The following ATM variants were observed in gnomAD, a reference collection of about 807,000 sequenced individuals.
ATM encodes serine-protein kinase ATM.
Under a neutral mutation model 387.0 loss-of-function variants are expected in ATM, and 308 were observed. That is an observed-to-expected ratio of 0.80 (90% CI 0.73 to 0.87). The LOEUF (loss-of-function observed/expected upper bound fraction) is 0.87. ATM is among the 40% of genes least tolerant of loss of function. ATM has a pLI of 0.00. For missense variants in ATM, 3,312 were observed against 3,560.9 expected (o/e 0.93, Z 1.78); for synonymous variants, 1,156 against 1,187.3 (o/e 0.97, Z 0.54).
intron 61 of ATM, among the ~76,000 whole-genome samples, chr11:108,361,997 CAG>C (rs2137713838): frequency 7.5e-6 from 1 of 132,872 alleles, no homozygotes; most frequent in South Asian, 2.8e-4. Flanking sequence ...AAACTACCAT[CAG>C]AGTGAACAGG....
chr11:108,241,631 T>C (rs572008639), intron 5 of ATM, among the ~76,000 whole-genome samples: 95 of 152,144 alleles, frequency 6.2e-4, no homozygotes, highest in Non-Finnish European at 1.2e-3. Flanking sequence ...GTGACTGTGG[T>C]TGGAATCATA....
intron 6 of ATM, among the ~76,000 whole-genome samples, chr11:108,244,519 C>T (rs149955262): frequency 6.6e-6 from 1 of 151,984 alleles, no homozygotes; most frequent in Non-Finnish European, 1.5e-5. Context: ...AATGGTGTTA[C>T]AAATCAGTTT....
At chr11:108,288,319 C>G (rs1030815516) in intron 27 of ATM, among the ~76,000 whole-genome samples, 2 of 152,086 alleles carry the variant, frequency 1.3e-5, no homozygotes, top group Non-Finnish European at 2.9e-5. Flanking sequence ...GAATGATTCC[C>G]CCGTGTTGGC....
At chr11:108,337,505 T>C (rs1039859306) in intron 56 of ATM, among the ~76,000 whole-genome samples, 2 of 152,220 alleles carry the variant, frequency 1.3e-5, no homozygotes, top group African/African-American at 4.8e-5. Context: ...CTGATCCCCA[T>C]TCTTAGAATT....
chr11:108,268,353 A>C, intron 17 of ATM, 57 bp from the exon 18 acceptor site: 1 of 1,506,378 alleles, frequency 6.6e-7, no homozygotes, highest in Non-Finnish European at 9.2e-7. Context: ...AGTTAATATG[A>C]CTATATATGG....
chr11:108,317,516 C>T lies in ATM; in HGVS notation c.6342C>T (p.Ser2114=), dbSNP rs754020535. ...ATATGCAGTGGGACCATTGCACTTC[C>T]GTCAGGTAAGAAATTTGACTTGATT... is the stretch of plus-strand genomic sequence containing the variant. ...WRNMQWDHCT[S]VSKEVEGTSY... The change falls in exon 43 of 63, where the codon TCC becomes TCT. Residue 2114 remains serine, a synonymous_variant. Coordinates refer to ENST00000675843, the MANE Select transcript of ATM (RefSeq NM_000051.4). 5.6e-6 allele frequency: 9 copies of T among 1,604,262 alleles called. No homozygotes were observed. Among genetic ancestry groups the T allele is most frequent in the East Asian group, 2.2e-5 (1 of 44,506 alleles).
chr11:108,253,088 A>G (rs1362738731), intron 12 of ATM, among the ~76,000 whole-genome samples, 176 bp downstream of exon 12: 2 of 152,296 alleles, frequency 1.3e-5, no homozygotes, highest in South Asian at 4.1e-4. Context: ...AATCTATGTT[A>G]TATAACATTA....
chr11:108,273,993 C>A (rs1324172424), intron 22 of ATM, among the ~76,000 whole-genome samples: 2 of 152,064 alleles, frequency 1.3e-5, no homozygotes, highest in Admixed American at 6.6e-5. Context: ...CTGTGAATCC[C>A]TCTGGTCCTG....
rs1555093582 is a variant in ATM, at chr11:108,284,368, T to C, written c.3888T>C (p.Pro1296=). 1 of 1,614,046 alleles carries C rather than the reference T, an allele frequency of 6.2e-7. No individual in the cohort carries two copies. The highest frequency in any genetic ancestry group is 8.5e-7 in the Non-Finnish European group (1 of 1,179,964). ...CFPKILVNIL[P]YFAYEGTRDS... is the part of the protein sequence containing the mutation. ...CAAAGATTCTTGTAAATATTCTTCC[T>C]TATTTTGCCTATGAGGGTACCAGAG... The change falls in exon 26 of 63, where the codon CCT becomes CCC. Residue 1296 remains proline (P), a synonymous_variant. Coordinates refer to ENST00000675843, the MANE Select transcript of ATM (RefSeq NM_000051.4).
chr11:108,304,093 ACTGTTTTAATGT>A (rs2083557494), intron 36 of ATM, among the ~76,000 whole-genome samples: 1 of 152,184 alleles, frequency 6.6e-6, no homozygotes, highest in Non-Finnish European at 1.5e-5. Context: ...AAAGCTGAAT[ACTGTTTTAATGT>A]GCCAGATGTA....
At chr11:108,363,005 C>A (rs1003395595) in intron 61 of ATM, among the ~76,000 whole-genome samples, 1 of 152,046 alleles carries the variant, frequency 6.6e-6, no homozygotes, top group African/African-American at 2.4e-5. Flanking sequence ...AAAACACACC[C>A]TCCAATGCTT....
chr11:108,365,416 A>C lies in ATM; in HGVS notation c.9079A>C (p.Ser3027Arg), dbSNP rs763152094. Residue 3027 changes from serine to arginine, a missense_variant, in exon 63 of 63, where the codon AGT becomes CGT. This residue lies in a region of ATM where 95 missense variants were observed against 100.3 expected (regional missense o/e 0.95). Coordinates refer to ENST00000675843, the MANE Select transcript of ATM (RefSeq NM_000051.4). ...AGGAGTGGAAGAAGGCACTGTGCTC[A>C]GTGTTGGTGGACAAGTGAATTTGCT... ...LKGVEEGTVLSVGGQVNLLIQ... is the reference protein window; with the variant it reads ...LKGVEEGTVLRVGGQVNLLIQ... 2 of 1,614,248 alleles carry C rather than the reference A, an allele frequency of 1.2e-6. No homozygotes were observed. Among genetic ancestry groups the C allele is most frequent in the Non-Finnish European group, 1.7e-6 (2 of 1,180,048 alleles).
At chr11:108,328,928 G>A in intron 48 of ATM, 93 bp from the exon 49 acceptor site, 1 of 1,321,468 alleles carries the variant, frequency 7.6e-7, no homozygotes, top group Non-Finnish European at 1.1e-6. Flanking sequence ...ATGTATATAA[G>A]TTAAATTTTA....
Position 108,235,908 on chromosome 11 carries a change from G to A in ATM, c.496+74G>A, listed in dbSNP as rs3218710. 4,358 of 1,540,246 alleles carry A rather than the reference G, an allele frequency of 2.8e-3. 108 individuals carry two copies. In the African/African-American group the frequency reaches 0.049, roughly 17 times the overall value. On this transcript the variant is annotated intron_variant, in intron 5 of 62. Transcript: ENST00000675843. ...CTTCACCAAAGAAAGCACTCTGTCT[G>A]TATCTGTCTATATCCCCCAAGTGAC...
rs562565595 is a variant in ATM, at chr11:108,255,027, T to C, written c.2124+988T>C. On this transcript the variant is annotated intron_variant, in intron 13 of 62. Transcript: ENST00000675843. ...GGCAGTTAGCATCTTCTTTATACCA[T>C]GGATATTTACATATGGTTTGTATAC... Among the ~76,000 whole-genome samples, 13 of 152,358 alleles carry C rather than the reference T, an allele frequency of 8.5e-5. No individual in the cohort carries two copies. In the East Asian group the frequency reaches 2.5e-3, roughly 29 times the overall value.
chr11:108,252,167 T>C lies in ATM; in HGVS notation c.1802+136T>C, dbSNP rs561889493. 1.4e-5 allele frequency: 11 copies of C among 786,224 alleles called. No individual in the cohort carries two copies. In the East Asian group the frequency reaches 3.0e-4, roughly 21 times the overall value. The allele number at this position is 786,224 out of a possible 1,614,324, so 48.7% of individuals were successfully genotyped here. A position where few individuals can be genotyped will look rare whatever the true frequency, so the allele number is the denominator to read the frequency against. ...CAGATCTAACCTTAATTATTAAATATTATGTTTGTTTTTACAGTTATCTGT... is the reference window on the plus strand; with the variant it reads ...CAGATCTAACCTTAATTATTAAATACTATGTTTGTTTTTACAGTTATCTGT... On this transcript the variant is annotated intron_variant, in intron 11 of 62. Transcript: ENST00000675843.
At chr11:108,259,956 T>G (rs1279705532) in intron 16 of ATM, among the ~76,000 whole-genome samples, 1 of 152,146 alleles carries the variant, frequency 6.6e-6, no homozygotes, top group African/African-American at 2.4e-5. Flanking sequence ...TATACTTTAT[T>G]TATTTAGCAG....
rs1060504313 is a variant in ATM, at chr11:108,335,913, G to A, written c.8220G>A (p.Gln2740=). The stretch of plus-strand genomic sequence containing the variant: ...TCCAGATGTGTAATACATTACTGCA[G>A]AGAAACACGGAAACTAGGAAGAGGA... ...QVFQMCNTLL[Q]RNTETRKRKL... The change falls in exon 56 of 63, where the codon CAG becomes CAA. Residue 2740 remains glutamine, a synonymous_variant. Transcript: ENST00000675843. 3.1e-6 allele frequency: 5 copies of A among 1,614,026 alleles called. No homozygotes were observed. Among genetic ancestry groups the A allele is most frequent in the Non-Finnish European group, 4.2e-6 (5 of 1,179,964 alleles).
Position 108,321,429 on chromosome 11 carries a change from T to C in ATM, c.6572+9T>C. 3 of 1,614,038 alleles carry C rather than the reference T, an allele frequency of 1.9e-6. No homozygotes were observed. Among genetic ancestry groups the C allele is most frequent in the Non-Finnish European group, 2.5e-6 (3 of 1,179,952 alleles). The stretch of plus-strand genomic sequence containing the variant: ...GGGGAGCTTTTCTCAAGGTATGTAA[T>C]TCGTATGACTTTGTTATCCTAAAGT... On this transcript the variant is annotated intron_variant, in intron 45 of 62. Coordinates refer to ENST00000675843, the MANE Select transcript of ATM (RefSeq NM_000051.4).
Sources: allele counts gnomAD v4.1 joint callset (sites outside exome capture counted in the v4.1 genomes callset), GRCh38; gene constraint gnomAD v4.1.1; regional missense constraint gnomAD v4.1.1; transcripts MANE v1.5; gene names NCBI Gene and HGNC (gene_info 2026-07-23, HGNC 2026-07-21).